The following GAK variants were observed in gnomAD, a reference collection of about 807,000 sequenced individuals.
GAK encodes the protein cyclin-G-associated kinase.
In GAK, 79 loss-of-function variants were observed where a neutral mutation model predicts 143.9. The ratio of observed to expected loss-of-function variants is 0.55; its 90% CI spans 0.46 to 0.66. The LOEUF (loss-of-function observed/expected upper bound fraction) is 0.66, where lower values mean the gene tolerates loss of function less well. Among genes scored for constraint, GAK ranks in the 30% least tolerant of loss-of-function variants. The pLI is 0.00. For synonymous variants in GAK, 881 were observed against 765.5 expected (o/e 1.15, Z -2.49); for missense variants, 1,693 against 1,779.7 (o/e 0.95, Z 0.88).
chr4:928,720 A>G (rs1016354373), intron 1 of GAK, among the ~76,000 whole-genome samples: 2 of 152,046 alleles, frequency 1.3e-5, no homozygotes, highest in African/African-American at 4.8e-5. Context: ...GTCAGTACCA[A>G]ATATTCACAG....
intron 4 of GAK, among the ~76,000 whole-genome samples, chr4:906,087 G>A (rs1015299639): frequency 6.6e-6 from 1 of 152,196 alleles, no homozygotes; most frequent in Non-Finnish European, 1.5e-5. Flanking sequence ...CAGTTGAGCT[G>A]GCGTGCCGTT....
chr4:871,817 T>C (rs1250572491), intron 18 of GAK, among the ~76,000 whole-genome samples: 1 of 152,168 alleles, frequency 6.6e-6, no homozygotes, highest in African/African-American at 2.4e-5. Context: ...AATTCCAGGC[T>C]ATTTCACACA....
intron 23 of GAK, among the ~76,000 whole-genome samples, chr4:861,396 C>T (rs1224326455): frequency 1.3e-5 from 2 of 152,064 alleles, no homozygotes; most frequent in African/African-American, 4.8e-5. Context: ...TCAAGGTCGG[C>T]CTGGACAACA....
intron 1 of GAK, among the ~76,000 whole-genome samples, chr4:914,784 C>T: frequency 7.4e-6 from 1 of 135,456 alleles, no homozygotes; most frequent in Admixed American, 7.5e-5. Context: ...CCAACACACA[C>T]AGCCCCAGTG....
At chr4:857,575 C>T (rs906651690) in intron 24 of GAK, among the ~76,000 whole-genome samples, 5 of 152,158 alleles carry the variant, frequency 3.3e-5, no homozygotes, top group African/African-American at 1.2e-4. Context: ...TCACGTAAGT[C>T]GTCAAGCATA....
At chr4:881,422 C>T (rs1296147598) in intron 15 of GAK, among the ~76,000 whole-genome samples, 2 of 152,084 alleles carry the variant, frequency 1.3e-5, no homozygotes, top group African/African-American at 2.4e-5. Flanking sequence ...ACGCTGTGAC[C>T]ACACTCCCGT....
intron 18 of GAK, among the ~76,000 whole-genome samples, chr4:871,558 T>C (rs1712627251): frequency 6.6e-6 from 1 of 152,150 alleles, no homozygotes; most frequent in Non-Finnish European, 1.5e-5. Flanking sequence ...CTGTGTTCAC[T>C]GTGGGGCTGG....
chr4:912,579 C>A (rs772456001), intron 3 of GAK, 156 bp downstream of exon 3: 2 of 563,702 alleles, frequency 3.5e-6, no homozygotes, highest in Non-Finnish European at 6.3e-6. Context: ...TCCTAGAAGT[C>A]GCCTACAACT....
rs934754095 is a variant in GAK, at chr4:906,895, G to A, written c.383-2116C>T. ...AGGACCCCTCACAAGCTGCTTCTGC[G>A]GCCAGGATGCCTCCCAGACCGCCCC... is the stretch of plus-strand genomic sequence containing the variant. On this transcript the variant is annotated intron_variant, in intron 4 of 27. Coordinates refer to ENST00000314167, the MANE Select transcript of GAK (RefSeq NM_005255.4). Among the ~76,000 whole-genome samples, 17 of 152,242 alleles carry A rather than the reference G, an allele frequency of 1.1e-4. No individual in the cohort carries two copies. In the South Asian group the frequency reaches 1.2e-3, roughly 11 times the overall value.
intron 18 of GAK, among the ~76,000 whole-genome samples, chr4:875,569 G>A (rs961778695): frequency 5.3e-5 from 8 of 152,220 alleles, no homozygotes; most frequent in African/African-American, 1.9e-4. Context: ...GAACACAGCA[G>A]GCCCTGCAGC....
intron 23 of GAK, among the ~76,000 whole-genome samples, chr4:860,184 AGGGGG>A (rs1372174514): frequency 4.6e-5 from 7 of 151,878 alleles, no homozygotes; most frequent in African/African-American, 1.7e-4. Context: ...CCAGCTACCC[AGGGGG>A]GCTGCGGTGG....
Position 888,832 on chromosome 4 carries a change from G to A in GAK, c.1205+15C>T, listed in dbSNP as rs746529900. On this transcript the variant is annotated intron_variant, in intron 11 of 27. Coordinates refer to ENST00000314167, the MANE Select transcript of GAK (RefSeq NM_005255.4). ...AGCGTGCGGCAGGTCCAGGGCTCTG[G>A]AGCCTCACACTCACTTAGCGACGGA... is the stretch of plus-strand genomic sequence containing the variant. The A allele has an allele frequency of 5.0e-6, 8 of 1,595,798 alleles. No homozygotes were observed. In the South Asian group the frequency reaches 5.7e-5, roughly 11 times the overall value.
intron 4 of GAK, among the ~76,000 whole-genome samples, chr4:908,480 C>T (rs929899764): frequency 6.6e-6 from 1 of 152,002 alleles, no homozygotes; most frequent in Non-Finnish European, 1.5e-5. Context: ...CTGGGCAACA[C>T]AGCAAGACAC....
intron 12 of GAK, 132 bp downstream of exon 12, chr4:883,905 G>T (rs1281149100): frequency 2.2e-5 from 20 of 895,382 alleles, no homozygotes; most frequent in South Asian, 5.0e-5. Context: ...GGGGCCCCAG[G>T]TCACCCCTGT....
chr4:898,473 T>C (rs1336291023), intron 5 of GAK, among the ~76,000 whole-genome samples: 1 of 152,236 alleles, frequency 6.6e-6, no homozygotes, highest in African/African-American at 2.4e-5. Flanking sequence ...TGTCTTAAAT[T>C]ACTTCTGATC....
chr4:875,837 G>C (rs755401143), intron 18 of GAK, among the ~76,000 whole-genome samples: 1 of 152,206 alleles, frequency 6.6e-6, no homozygotes, highest in South Asian at 2.1e-4. Flanking sequence ...AGCTACTCAG[G>C]AGGCTGAGGC....
At chr4:926,086 A>C (rs13114777) in intron 1 of GAK, among the ~76,000 whole-genome samples, 1 of 148,264 alleles carries the variant, frequency 6.7e-6, no homozygotes, top group East Asian at 2.0e-4. Context: ...TGACCTCCCC[A>C]AACGTCTAAT....
At chr4:859,173 C>T (rs1025948809) in intron 24 of GAK, 11 of 984,978 alleles carry the variant, frequency 1.1e-5, no homozygotes, top group Non-Finnish European at 1.3e-5. Context: ...ACTCAGACCA[C>T]AGCGCCCGGG....
At chr4:852,027 T>C in intron 24 of GAK, 53 bp from the exon 25 acceptor site, 1 of 1,404,260 alleles carries the variant, frequency 7.1e-7, no homozygotes, top group African/African-American at 1.4e-5. Flanking sequence ...GAGGGGCAAC[T>C]ACTGTTTCTA....
Sources: allele counts gnomAD v4.1 joint callset (sites outside exome capture counted in the v4.1 genomes callset), GRCh38; gene constraint gnomAD v4.1.1; transcripts MANE v1.5; gene names NCBI Gene and HGNC (gene_info 2026-07-23, HGNC 2026-07-21).